PDE4D: variants seen among roughly 807,000 people sequenced by gnomAD.
The protein encoded by PDE4D is phosphodiesterase 4D.
Under a neutral mutation model 87.4 loss-of-function variants are expected in PDE4D, and 24 were observed. That is an observed-to-expected ratio of 0.27 (90% confidence interval 0.20 to 0.39). PDE4D has a LOEUF of 0.39. Among genes scored for constraint, PDE4D ranks in the 10% least tolerant of loss-of-function variants. The pLI is 1.00. For missense variants in PDE4D, 714 were observed against 1,041.0 expected, an observed-to-expected ratio of 0.69 and a Z score of 4.32; for synonymous variants, 384 against 383.2, an observed-to-expected ratio of 1.00 and a Z score of -0.02.
At chr5:60,517,474 AG>A (rs915902807) in intron 1 of PDE4D, among the ~76,000 whole-genome samples, 1 of 152,208 alleles carries the variant, frequency 6.6e-6, no homozygotes, top group African/African-American at 2.4e-5. Context: ...TAGACCAATT[AG>A]CACTCACTTC....
intron 1 of PDE4D, among the ~76,000 whole-genome samples, chr5:59,465,463 C>A (rs902210593): frequency 6.6e-6 from 1 of 152,120 alleles, no homozygotes; most frequent in Non-Finnish European, 1.5e-5. Flanking sequence ...TTTACACATA[C>A]CCTCCCTGTT....
chr5:59,288,014 G>A (rs1767317368), intron 1 of PDE4D, among the ~76,000 whole-genome samples: 1 of 151,834 alleles, frequency 6.6e-6, no homozygotes, highest in East Asian at 1.9e-4. Flanking sequence ...AACAAGCCCA[G>A]ACTGCAAGGC....
chr5:59,293,185 T>G (rs1201269594), intron 1 of PDE4D, among the ~76,000 whole-genome samples: 1 of 152,176 alleles, frequency 6.6e-6, no homozygotes, highest in Non-Finnish European at 1.5e-5. Flanking sequence ...GGTTTGGATA[T>G]ATGAATGACC....
At position 60,018,789 on chromosome 5, in the gene PDE4D, A is replaced by G. The variant is rs560174166; in HGVS notation, c.43-30072T>C. 3.3e-5 allele frequency among the ~76,000 whole-genome samples: 5 copies of G among 150,832 alleles called. No individual in the cohort carries two copies. The South Asian group carries it at 6.2e-4, about 19-fold the overall frequency. The stretch of plus-strand genomic sequence containing the variant: ...GGGATTAATTCAACAAGAAGGGCTA[A>G]CTATCCTAAATATATATGCACCCAA... On this transcript the variant is annotated intron_variant, in intron 2 of 16. Coordinates refer to the PDE4D transcript ENST00000502484.
chr5:59,748,363 G>A (rs951474558), intron 1 of PDE4D, among the ~76,000 whole-genome samples: 102 of 152,190 alleles, frequency 6.7e-4, no homozygotes, highest in African/African-American at 2.3e-3. Context: ...TATGTTTATT[G>A]CAGCACTATT....
At chr5:60,032,719 A>G (rs959318843) in intron 2 of PDE4D, 3 of 152,154 alleles carry the variant, frequency 2.0e-5, no homozygotes, top group African/African-American at 7.2e-5. Context: ...CTTACTATAG[A>G]GCTTTCCACA....
intron 2 of PDE4D, among the ~76,000 whole-genome samples, chr5:60,165,237 A>T (rs998977108): frequency 2.0e-5 from 3 of 152,188 alleles, no homozygotes; most frequent in Non-Finnish European, 2.9e-5. Context: ...GGCTATCATA[A>T]AAATAGTGCT....
intron 2 of PDE4D, among the ~76,000 whole-genome samples, chr5:59,992,600 C>T (rs749262163): frequency 2.0e-5 from 3 of 152,106 alleles, no homozygotes; most frequent in Non-Finnish European, 4.4e-5. Context: ...CATTTAGCTG[C>T]CTACTCTGGG....
chr5:59,516,667 A>T (rs1811211744), intron 1 of PDE4D, among the ~76,000 whole-genome samples: 1 of 152,200 alleles, frequency 6.6e-6, no homozygotes, highest in Non-Finnish European at 1.5e-5. Flanking sequence ...CTTAAAAATC[A>T]ATCAGAAAAA....
chr5:60,280,259 C>T (rs1350994916), intron 1 of PDE4D, among the ~76,000 whole-genome samples: 1 of 151,356 alleles, frequency 6.6e-6, no homozygotes, highest in African/African-American at 2.4e-5. Context: ...AGGCCCCAAG[C>T]TAGTCTGCCT....
intron 1 of PDE4D, chr5:59,430,623 A>T (rs1795971178): frequency 2.7e-6 from 1 of 365,400 alleles, no homozygotes; most frequent in Non-Finnish European, 4.8e-6. Flanking sequence ...TCATGGATAC[A>T]AGAAGCTTTT....
chr5:60,350,102 T>C (rs1278677462), intron 1 of PDE4D, among the ~76,000 whole-genome samples: 1 of 152,124 alleles, frequency 6.6e-6, no homozygotes, highest in Non-Finnish European at 1.5e-5. Context: ...CCTGAAAATA[T>C]TACCCTAGCC....
At chr5:59,783,929 G>A (rs1015240201) in intron 1 of PDE4D, among the ~76,000 whole-genome samples, 2 of 152,102 alleles carry the variant, frequency 1.3e-5, no homozygotes, top group Admixed American at 1.3e-4. Flanking sequence ...ATGGTGGTGT[G>A]CACCTGTGGT....
chr5:60,082,168 T>C (rs1322896929), intron 2 of PDE4D, among the ~76,000 whole-genome samples: 2 of 152,186 alleles, frequency 1.3e-5, no homozygotes, highest in Non-Finnish European at 2.9e-5. Flanking sequence ...TATGTTGAAA[T>C]TCTAACCTCT....
chr5:59,419,134 C>A (rs1316212948), intron 1 of PDE4D, among the ~76,000 whole-genome samples: 1 of 152,214 alleles, frequency 6.6e-6, no homozygotes, highest in Non-Finnish European at 1.5e-5. Flanking sequence ...CACTGCCTTT[C>A]AGGAGAGTAC....
rs373848304 is a variant in PDE4D at position 60,447,739 on chromosome 5, G to A, written c.-90+40203C>T. Among the ~76,000 whole-genome samples the A allele has an allele frequency of 1.2e-3, 188 of 152,202 alleles. 1 individual carries two copies. Among genetic ancestry groups the A allele is most frequent in the African/African-American group, 4.5e-3 (185 of 41,544 alleles). ...TATTTAAGACCAGTGTGTATTAGCA[G>A]GGGCAAGCTGAGTACACACTGAGGA... On this transcript the variant is annotated intron_variant, in intron 1 of 16. Coordinates refer to the PDE4D transcript ENST00000502484.
chr5:59,030,349 G>C (rs548306686), intron 6 of PDE4D, among the ~76,000 whole-genome samples: 1 of 130,060 alleles, frequency 7.7e-6, no homozygotes, highest in East Asian at 2.4e-4. Context: ...AAAACAAATC[G>C]ATTAAAATTA....
At chr5:59,814,412 G>A (rs762340417) in intron 1 of PDE4D, among the ~76,000 whole-genome samples, 16 of 152,182 alleles carry the variant, frequency 1.1e-4, no homozygotes, top group Non-Finnish European at 2.1e-4. Flanking sequence ...AGTGACAATG[G>A]TAGATCTAAG....
intron 3 of PDE4D, among the ~76,000 whole-genome samples, chr5:59,930,163 C>CA (rs35465849): frequency 0.2 from 16,091 of 81,746 alleles, 990 homozygotes; most frequent in African/African-American, 0.34. Context: ...ACTCCGTCTC[C>CA]AAAAAAAAAA....
Sources: gnomAD v4.1 joint callset for allele counts (sites outside exome capture counted in the v4.1 genomes callset) on GRCh38, gnomAD v4.1.1 for gene constraint, MANE v1.5 for transcripts, NCBI Gene and HGNC (gene_info 2026-07-23, HGNC 2026-07-21) for gene names.